The following LMX1B variants were observed in gnomAD, a reference collection of about 807,000 sequenced individuals.
LMX1B encodes LIM homeobox transcription factor 1 beta.
Under a neutral mutation model 51.4 loss-of-function variants are expected in LMX1B, and 12 were observed. The observed-to-expected ratio is 0.23, with a 90% CI of 0.15 to 0.38. The LOEUF is 0.38. Among genes scored for constraint, LMX1B ranks in the 10% least tolerant of loss-of-function variants. The pLI is 1.00. For missense variants in LMX1B, 445 were observed against 571.1 expected (o/e 0.78, Z 2.25); for synonymous variants, 237 against 235.4 (o/e 1.01, Z -0.06).
At chr9:126,659,625 C>T (rs1836189512) in intron 2 of LMX1B, among the ~76,000 whole-genome samples, 1 of 151,980 alleles carries the variant, frequency 6.6e-6, no homozygotes, top group Non-Finnish European at 1.5e-5. Context: ...AGAGATTGTC[C>T]TGTGTGTGTG....
At chr9:126,639,919 A>G (rs1362163130) in intron 2 of LMX1B, among the ~76,000 whole-genome samples, 2 of 152,180 alleles carry the variant, frequency 1.3e-5, no homozygotes, top group East Asian at 3.8e-4. Flanking sequence ...TTATACCTCA[A>G]TGTGTTTGAT....
chr9:126,694,934 C>T (rs1350783826), intron 6 of LMX1B, among the ~76,000 whole-genome samples: 2 of 152,092 alleles, frequency 1.3e-5, no homozygotes, highest in African/African-American at 2.4e-5. Context: ...TGCCCACACG[C>T]ACATGGCATG....
intron 2 of LMX1B, among the ~76,000 whole-genome samples, chr9:126,666,655 C>T (rs1039896677): frequency 2.0e-4 from 31 of 152,300 alleles, no homozygotes; most frequent in Middle Eastern, 3.4e-3. Context: ...ATGTGCTGTA[C>T]GCTGATAACA....
In LMX1B at chr9:126,658,396, C is replaced by T. The variant is rs1045553666; in HGVS notation, c.327-32440C>T. ...TGGCCCTCCCCCTGGCTGCCGGGCC[C>T]GGGCACCCCTGCTGCTGACCCCCTG... On this transcript the variant is annotated intron_variant, in intron 2 of 7. Transcript: ENST00000373474. The surrounding 1 kb of genome is among the most constrained non-coding windows in gnomAD (Gnocchi z 4.0). Among the ~76,000 whole-genome samples, 4 of 151,972 alleles carry T rather than the reference C, an allele frequency of 2.6e-5. No individual in the cohort carries two copies. Among genetic ancestry groups the T allele is most frequent in the East Asian group, 1.9e-4 (1 of 5,162 alleles).
intron 2 of LMX1B, among the ~76,000 whole-genome samples, chr9:126,688,170 G>C (rs971912023): frequency 6.6e-6 from 1 of 152,230 alleles, no homozygotes; most frequent in Non-Finnish European, 1.5e-5. Flanking sequence ...TGTAATGGCG[G>C]CACTGAGCCT....
At chr9:126,689,668 T>C (rs563319368) in intron 2 of LMX1B, among the ~76,000 whole-genome samples, 2 of 152,248 alleles carry the variant, frequency 1.3e-5, no homozygotes, top group Admixed American at 6.5e-5. Context: ...CTCCTGCTAG[T>C]GCTGACCAGG....
chr9:126,683,060 C>T (rs1437833444), intron 2 of LMX1B, among the ~76,000 whole-genome samples: 1 of 151,478 alleles, frequency 6.6e-6, no homozygotes, highest in African/African-American at 2.4e-5. Flanking sequence ...TGGGGGCTCC[C>T]GACAGCGCCC....
intron 2 of LMX1B, among the ~76,000 whole-genome samples, chr9:126,680,467 C>G (rs1836652017): frequency 1.3e-5 from 2 of 152,122 alleles, no homozygotes; most frequent in Admixed American, 6.5e-5. Flanking sequence ...CAAATAAAGC[C>G]CAGAGCTTGC....
intron 2 of LMX1B, among the ~76,000 whole-genome samples, chr9:126,638,264 C>T (rs1212899256): frequency 6.6e-6 from 1 of 152,170 alleles, no homozygotes; most frequent in African/African-American, 2.4e-5. Context: ...GGTGCACCTG[C>T]CCATCTCTCC....
intron 2 of LMX1B, among the ~76,000 whole-genome samples, chr9:126,638,769 ACGGGCCGGCGGCGCGGG>A (rs1020471216): frequency 5.3e-5 from 8 of 151,952 alleles, no homozygotes; most frequent in African/African-American, 1.9e-4. Flanking sequence ...AAAAATTAAC[ACGGGCCGGCGGCGCGGG>A]CGCCCGATGT....
chr9:126,684,904 G>A (rs141227731), intron 2 of LMX1B, among the ~76,000 whole-genome samples: 11 of 152,324 alleles, frequency 7.2e-5, no homozygotes, highest in African/African-American at 1.2e-4. Flanking sequence ...AGGAGGGCAA[G>A]TTCACTTACC....
At chr9:126,638,925 A>G (rs948082420) in intron 2 of LMX1B, among the ~76,000 whole-genome samples, 2 of 151,802 alleles carry the variant, frequency 1.3e-5, no homozygotes, top group East Asian at 1.9e-4. Context: ...TGCATTATAC[A>G]TGGCAGCTCC....
At chr9:126,693,882 AGGGTGAGCTGGGGCAGAGGCTGGGGCT>A in intron 6 of LMX1B, 70 bp downstream of exon 6, 1 of 758,676 alleles carries the variant, frequency 1.3e-6, no homozygotes, top group Non-Finnish European at 2.2e-6. Context: ...GGCCTAGGCC[AGGGTGAGCTGGGGCAGAGGCTGGGGCT>A]GGGTGAGCCT....
At position 126,693,125 on chromosome 9, in the gene LMX1B, G is replaced by A; in HGVS notation, c.560-17G>A. 7.7e-6 allele frequency: 12 copies of A among 1,557,038 alleles called. No homozygotes were observed. Among genetic ancestry groups the A allele is most frequent in the Non-Finnish European group, 1.0e-5 (12 of 1,150,526 alleles). ...GCCCCCGCCCCTTCATCACAGGCCGGGTTGTGTCCCCCACAGTGAAGAGCG... is the reference window on the plus strand; with the variant it reads ...GCCCCCGCCCCTTCATCACAGGCCGAGTTGTGTCCCCCACAGTGAAGAGCG... On this transcript the variant is annotated splice_polypyrimidine_tract_variant and intron_variant, in intron 3 of 7. Transcript: ENST00000373474.
At chr9:126,682,037 G>A (rs1836684806) in intron 2 of LMX1B, among the ~76,000 whole-genome samples, 1 of 126,464 alleles carries the variant, frequency 7.9e-6, no homozygotes, top group African/African-American at 3.1e-5. Context: ...TCACTCATCT[G>A]CTCCAGCCAC....
intron 2 of LMX1B, among the ~76,000 whole-genome samples, chr9:126,648,922 C>T (rs1835952089): frequency 6.6e-6 from 1 of 152,142 alleles, no homozygotes; most frequent in Non-Finnish European, 1.5e-5. Flanking sequence ...TCAGGCCATG[C>T]CGCACGGGAA....
intron 2 of LMX1B, among the ~76,000 whole-genome samples, chr9:126,667,142 C>T (rs1238373577): frequency 2.0e-5 from 3 of 152,202 alleles, no homozygotes; most frequent in Non-Finnish European, 2.9e-5. Context: ...AGATGCGTAA[C>T]GTTCCAGGCC....
intron 2 of LMX1B, among the ~76,000 whole-genome samples, chr9:126,664,702 C>T (rs1180844502): frequency 6.6e-6 from 1 of 152,144 alleles, no homozygotes; most frequent in African/African-American, 2.4e-5. Flanking sequence ...GGTGAAACCC[C>T]GTCGATACTA....
chr9:126,614,480 G>C lies in LMX1B; in HGVS notation c.31G>C (p.Glu11Gln). Residue 11 changes from glutamate (E) to glutamine (Q), a missense_variant, in exon 1 of 8, where the codon GAG becomes CAG. Glu to Gln is a conservative substitution (Grantham distance 29). Around this residue, in one of 3 missense-constraint regions of LMX1B, gnomAD observed 273 missense variants for 343.3 expected, o/e 0.80. Transcript: ENST00000373474. MDIATGPESLERCFPRGQTDC... is the reference protein window; with the variant it reads MDIATGPESLQRCFPRGQTDC... The stretch of plus-strand genomic sequence containing the variant: ...TATAGCAACAGGTCCCGAGTCGCTG[G>C]AGAGGTGCTTCCCTCGCGGGCAGAC... The C allele has an allele frequency of 6.3e-7, 1 of 1,596,772 alleles. No homozygotes were observed.
Sources: gnomAD v4.1 joint callset for allele counts (sites outside exome capture counted in the v4.1 genomes callset) on GRCh38, gnomAD v4.1.1 for gene constraint, gnomAD v4.1.1 regional missense constraint, Gnocchi (gnomAD v3.1) non-coding constraint, MANE v1.5 for transcripts, NCBI Gene and HGNC (gene_info 2026-07-23, HGNC 2026-07-21) for gene names.